Variants in TTC7A observed in about 807,000 individuals in gnomAD.
TTC7A encodes the protein tetratricopeptide repeat domain 7A.
TTC7A carries 110 observed loss-of-function variants against 103.7 expected under a neutral mutation model. That is an observed-to-expected ratio of 1.06 (90% confidence interval 0.91 to 1.24). TTC7A has a LOEUF of 1.24. Ranked by LOEUF, TTC7A falls within the 50% of genes most tolerant of loss-of-function variation. TTC7A has a pLI of 0.00. For missense variants in TTC7A, 1,340 were observed against 1,116.3 expected (o/e 1.20, Z -2.86); for synonymous variants, 521 against 467.9 (o/e 1.11, Z -1.47).
At chr2:46,987,622 G>A (rs560041016) in intron 5 of TTC7A, among the ~76,000 whole-genome samples, 2 of 152,310 alleles carry the variant, frequency 1.3e-5, no homozygotes, top group East Asian at 1.9e-4. Context: ...CTTGGGCCGT[G>A]CACATTGAAC....
At position 47,017,464 on chromosome 2, in the gene TTC7A, G is replaced by T. The variant is rs554975604; in HGVS notation, c.1393-4398G>T. Among the ~76,000 whole-genome samples, 3 of 152,084 alleles carry T rather than the reference G, an allele frequency of 2.0e-5. No homozygotes were observed. The South Asian group carries it at 6.2e-4, about 32-fold the overall frequency. Reference sequence around the variant, plus strand: ...AGGTGGGAGGATCGCTTGAGCCCAGGAGGTCAAGGCTGCAGTGAGCTATGG... The same window carrying T: ...AGGTGGGAGGATCGCTTGAGCCCAGTAGGTCAAGGCTGCAGTGAGCTATGG... On this transcript the variant is annotated intron_variant, in intron 11 of 19. Transcript: ENST00000319190.
intron 3 of TTC7A, among the ~76,000 whole-genome samples, chr2:46,961,024 C>A (rs1231174111): frequency 6.6e-6 from 1 of 152,198 alleles, no homozygotes; most frequent in African/African-American, 2.4e-5. Context: ...TATATTTCAA[C>A]CTAACATCCA....
chr2:46,935,573 G>T (rs1426362397), intron 2 of TTC7A, among the ~76,000 whole-genome samples: 1 of 152,076 alleles, frequency 6.6e-6, no homozygotes, highest in Non-Finnish European at 1.5e-5. Flanking sequence ...TGTCTTGATG[G>T]TATTTGCTGT....
At chr2:47,014,238 A>G (rs1043374846) in intron 11 of TTC7A, among the ~76,000 whole-genome samples, 8 of 152,104 alleles carry the variant, frequency 5.3e-5, no homozygotes. Flanking sequence ...CCCCCACAGG[A>G]AGCCTACATA....
rs923412535 is a variant in TTC7A at position 47,006,053 on chromosome 2, C to T, written c.1197C>T (p.Leu399=). Residue 399 remains leucine (L), a synonymous_variant, in exon 9 of 20, where the codon CTC becomes CTT. Coordinates refer to ENST00000319190, the MANE Select transcript of TTC7A (RefSeq NM_020458.4). ...TLGRRGQYVM[L]SECLERAMKF... ...GCAGAAGGGGACAGTACGTCATGCT[C>T]TCGGAGGTACGGCCGGCCATGCAGC... 7 of 1,613,202 alleles carry T rather than the reference C, an allele frequency of 4.3e-6. No homozygotes were observed. The highest frequency in any genetic ancestry group is 5.9e-6 in the Non-Finnish European group (7 of 1,179,816).
upstream of TTC7A, among the ~76,000 whole-genome samples, chr2:46,936,768 T>G (rs1359342103): frequency 6.6e-6 from 1 of 152,218 alleles, no homozygotes; most frequent in Non-Finnish European, 1.5e-5. Context: ...GTATTCACTT[T>G]AGAATGCAAA....
intron 5 of TTC7A, among the ~76,000 whole-genome samples, chr2:46,987,338 T>C (rs72806562): frequency 0.071 from 10,789 of 152,150 alleles, 419 homozygotes; most frequent in Non-Finnish European, 0.079. Flanking sequence ...AGAAATGAGC[T>C]TGGTTCTCTT....
chr2:47,005,240 G>C (rs144617946), intron 8 of TTC7A, among the ~76,000 whole-genome samples: 85 of 152,202 alleles, frequency 5.6e-4, no homozygotes, highest in Non-Finnish European at 8.5e-4. Flanking sequence ...GGGAGGGGGG[G>C]GCTCTGGGAA....
chr2:46,990,812 C>T (rs1345173625), intron 5 of TTC7A, among the ~76,000 whole-genome samples: 1 of 152,116 alleles, frequency 6.6e-6, no homozygotes, highest in East Asian at 1.9e-4. Context: ...CTAGAAGACC[C>T]CAGGGCATCC....
intron 1 of TTC7A, among the ~76,000 whole-genome samples, chr2:46,946,319 G>A (rs907231178): frequency 6.6e-6 from 1 of 152,184 alleles, no homozygotes; most frequent in African/African-American, 2.4e-5. Context: ...ACCAGAACTG[G>A]GATAGGTAGT....
chr2:47,006,503 T>G (rs1572886014), intron 9 of TTC7A, 138 bp from the exon 10 acceptor site: 71 of 727,508 alleles, frequency 9.8e-5, no homozygotes, highest in African/African-American at 1.7e-5. Context: ...TTCGGCAGGG[T>G]GTCTCCCAGG....
intron 2 of TTC7A, among the ~76,000 whole-genome samples, chr2:46,929,655 T>G (rs1469770143): frequency 6.6e-6 from 1 of 152,206 alleles, no homozygotes; most frequent in Non-Finnish European, 1.5e-5. Flanking sequence ...ATATATATCC[T>G]TAAATGCATG....
chr2:46,950,695 G>A (rs1671334211), intron 2 of TTC7A, among the ~76,000 whole-genome samples, 169 bp downstream of exon 2: 2 of 152,150 alleles, frequency 1.3e-5, no homozygotes, highest in African/African-American at 4.8e-5. Flanking sequence ...AGCACTTGGA[G>A]TATGGCTAGT....
intron 15 of TTC7A, among the ~76,000 whole-genome samples, chr2:47,046,074 G>T (rs1337335772): frequency 6.6e-6 from 1 of 152,254 alleles, no homozygotes; most frequent in African/African-American, 2.4e-5. Context: ...GGCATCAGCA[G>T]TGTGGGCACT....
At chr2:46,997,382 CAGCT>C (rs2104404852) in intron 8 of TTC7A, among the ~76,000 whole-genome samples, 1 of 152,252 alleles carries the variant, frequency 6.6e-6, no homozygotes, top group East Asian at 1.9e-4. Context: ...GGTCCTTTCT[CAGCT>C]AGGGAGGTTC....
rs566345050 is a variant in TTC7A at position 46,917,345 on chromosome 2, C to T, written c.82+68C>T. ...AAACCCTATTAATTCAAGACCCATT[C>T]TTCTTTCCTTACTCTGAACTTTGGA... On this transcript the variant is annotated intron_variant, in intron 2 of 20. Transcript: ENST00000409245. 225 of 603,466 alleles carry T rather than the reference C, an allele frequency of 3.7e-4. No homozygotes were observed. In the African/African-American group the frequency reaches 3.8e-3, roughly 10 times the overall value. 37.4% of individuals were successfully genotyped at this position (603,466 alleles called of 1,614,324 possible). A position where few individuals can be genotyped will look rare whatever the true frequency, so the allele number is the denominator to read the frequency against.
intron 14 of TTC7A, among the ~76,000 whole-genome samples, chr2:47,024,828 T>G (rs572829855): frequency 1.3e-5 from 2 of 152,272 alleles, no homozygotes; most frequent in Admixed American, 6.5e-5. Context: ...ACCTCCTGTC[T>G]GCTGACTACC....
At chr2:46,980,496 G>T (rs1266473083) in intron 5 of TTC7A, among the ~76,000 whole-genome samples, 2 of 152,150 alleles carry the variant, frequency 1.3e-5, no homozygotes, top group East Asian at 3.9e-4. Flanking sequence ...ACAGGCGTGA[G>T]CCACTGTGCC....
chr2:46,988,464 C>T (rs975257628), intron 5 of TTC7A, among the ~76,000 whole-genome samples: 1 of 152,238 alleles, frequency 6.6e-6, no homozygotes, highest in African/African-American at 2.4e-5. Context: ...ACCTTTCATA[C>T]ACAGTTAGCA....
Sources: allele counts gnomAD v4.1 joint callset (sites outside exome capture counted in the v4.1 genomes callset), GRCh38; gene constraint gnomAD v4.1.1; transcripts MANE v1.5; gene names NCBI Gene and HGNC (gene_info 2026-07-23, HGNC 2026-07-21).